Variants in EGFR observed in about 807,000 individuals in gnomAD.
EGFR encodes avian erythroblastic leukemia viral (v-erb-b) oncogene homolog.
In EGFR, 58 loss-of-function variants were observed where a neutral mutation model predicts 143.0. That is an observed-to-expected ratio of 0.41 (90% CI 0.33 to 0.50). EGFR has a LOEUF of 0.50. Among genes scored for constraint, EGFR ranks in the 20% least tolerant of loss-of-function variants. The pLI is 0.39. For missense variants in EGFR, 1,307 were observed against 1,579.0 expected (o/e 0.83, Z 2.92); for synonymous variants, 613 against 594.4 (o/e 1.03, Z -0.45).
chr7:55,105,827 A>T (rs1323280716), intron 1 of EGFR, among the ~76,000 whole-genome samples: 2 of 151,796 alleles, frequency 1.3e-5, no homozygotes, highest in Non-Finnish European at 1.5e-5. Context: ...TTTGATTGTT[A>T]AAAAAAACAC....
chr7:55,182,884 T>C lies in EGFR; in HGVS notation c.2469+1406T>C, dbSNP rs1056866109. On this transcript the variant is annotated intron_variant, in intron 20 of 27. Transcript: ENST00000275493. ...GGGAGAGGGTCTTGTGTGCCTCGGA[T>C]GCCAGGGCCTCTTTTTATTGGGAGG... 5.9e-5 allele frequency among the ~76,000 whole-genome samples: 9 copies of C among 152,216 alleles called. No individual in the cohort carries two copies. In the South Asian group the frequency reaches 1.9e-3, roughly 32 times the overall value.
At chr7:55,085,663 A>G (rs1244683309) in intron 1 of EGFR, among the ~76,000 whole-genome samples, 7 of 152,364 alleles carry the variant, frequency 4.6e-5, no homozygotes, top group Non-Finnish European at 7.3e-5. Flanking sequence ...GGTTTTAGCC[A>G]TACCATAAAG....
At position 55,107,775 on chromosome 7, in the gene EGFR, T is replaced by C. The variant is rs1792226439; in HGVS notation, c.89-34511T>C. Among the ~76,000 whole-genome samples the C allele has an allele frequency of 2.0e-5, 3 of 152,380 alleles. No homozygotes were observed. The South Asian group carries it at 6.2e-4, about 32-fold the overall frequency. On this transcript the variant is annotated intron_variant, in intron 1 of 27. Coordinates refer to ENST00000275493, the MANE Select transcript of EGFR (RefSeq NM_005228.5). The stretch of plus-strand genomic sequence containing the variant: ...AAGTGCCTATATGCTATATAGAGTT[T>C]GCCCACTCTGCATTATCTTCCCCCT...
intron 1 of EGFR, among the ~76,000 whole-genome samples, chr7:55,044,807 A>G (rs1237634944): frequency 2.0e-5 from 3 of 152,236 alleles, no homozygotes; most frequent in African/African-American, 7.2e-5. Flanking sequence ...CAGGGGCACA[A>G]TAAATGTTTG....
At chr7:55,200,563 C>T (rs952746801) in intron 24 of EGFR, 150 bp downstream of exon 24, 10 of 793,706 alleles carry the variant, frequency 1.3e-5, no homozygotes, top group African/African-American at 3.4e-5. Flanking sequence ...CTCAGTAAGG[C>T]GCAGGCCACA....
chr7:55,110,628 A>G (rs1584062921), intron 1 of EGFR, among the ~76,000 whole-genome samples: 2 of 152,386 alleles, frequency 1.3e-5, no homozygotes, highest in African/African-American at 4.8e-5. Flanking sequence ...GTGACTGGGA[A>G]TTAAGGAGCA....
At chr7:55,173,806 G>C (rs2128953283) in intron 17 of EGFR, 115 bp from the exon 18 acceptor site, 1 of 1,550,816 alleles carries the variant, frequency 6.4e-7, no homozygotes, top group Non-Finnish European at 8.9e-7. Flanking sequence ...GCCGTGTCCT[G>C]GCACCCAAGC....
intron 1 of EGFR, among the ~76,000 whole-genome samples, chr7:55,138,644 T>G (rs1006835499): frequency 1.3e-5 from 2 of 152,224 alleles, no homozygotes; most frequent in Non-Finnish European, 2.9e-5. Flanking sequence ...GCATGTTATG[T>G]TATGTTTCTG....
chr7:55,206,551 G>A lies in EGFR; in HGVS notation c.*934G>A, dbSNP rs988454507. 6.0e-5 allele frequency: 14 copies of A among 233,108 alleles called. No homozygotes were observed. Among genetic ancestry groups the A allele is most frequent in the Non-Finnish European group, 1.1e-4 (13 of 118,066 alleles). The allele number at this position is 233,108 out of a possible 1,614,324, so 14.4% of individuals were successfully genotyped here. A position where few individuals can be genotyped will look rare whatever the true frequency, so the allele number is the denominator to read the frequency against. On this transcript the variant is annotated 3_prime_UTR_variant, in exon 28 of 28. Coordinates refer to ENST00000275493, the MANE Select transcript of EGFR (RefSeq NM_005228.5). ...GCACCGCTTTTGTTCTCGCAAAAAC[G>A]TATCTCCTAATTTGAGGCTCAGATG... is the stretch of plus-strand genomic sequence containing the variant.
rs910863333 is a variant in EGFR, at chr7:55,106,025, A to C, written c.89-36261A>C. On this transcript the variant is annotated intron_variant, in intron 1 of 27. Transcript: ENST00000275493. ...TGCTTACTTGAAAACAACAAAATTT[A>C]AGAATTTGGTATAGGAGTTGTATCA... is the stretch of plus-strand genomic sequence containing the variant. Among the ~76,000 whole-genome samples the C allele has an allele frequency of 5.9e-5, 9 of 152,366 alleles. No individual in the cohort carries two copies. The South Asian group carries it at 1.0e-3, about 18-fold the overall frequency.
At position 55,019,310 on chromosome 7, in the gene EGFR, C is replaced by T. The variant is rs766029589; in HGVS notation, c.33C>T (p.Leu11=). 6.6e-7 allele frequency: 1 copy of T among 1,521,428 alleles called. No homozygotes were observed. The highest frequency in any genetic ancestry group is 1.2e-5 in the South Asian group (1 of 83,970). The allele number at this position is 1,521,428 out of a possible 1,614,324, so 94.2% of individuals were successfully genotyped here. A position where few individuals can be genotyped will look rare whatever the true frequency, so the allele number is the denominator to read the frequency against. The change falls in exon 1 of 28, where the codon CTC becomes CTT. Residue 11 remains leucine, a synonymous_variant. Coordinates refer to ENST00000275493, the MANE Select transcript of EGFR (RefSeq NM_005228.5). MRPSGTAGAA[L]LALLAALCPA... is the part of the protein sequence containing the mutation. ...CCTCCGGGACGGCCGGGGCAGCGCT[C>T]CTGGCGCTGCTGGCTGCGCTCTGCC...
chr7:55,184,022 A>G (rs1397165340), intron 20 of EGFR, among the ~76,000 whole-genome samples: 1 of 152,250 alleles, frequency 6.6e-6, no homozygotes, highest in East Asian at 1.9e-4. Context: ...CGCTCAATAT[A>G]GGATGAGCTC....
chr7:55,178,672 C>T (rs1786714088), intron 19 of EGFR, among the ~76,000 whole-genome samples: 1 of 152,188 alleles, frequency 6.6e-6, no homozygotes, highest in African/African-American at 2.4e-5. Context: ...TAAACAAGCA[C>T]TTATCCAAGT....
Position 55,171,159 on chromosome 7 carries a change from C to A in EGFR, c.1881-16C>A, listed in dbSNP as rs1416132670. The A allele has an allele frequency of 1.2e-6, 2 of 1,614,154 alleles. No homozygotes were observed. Among genetic ancestry groups the A allele is most frequent in the African/African-American group, 2.7e-5 (2 of 75,068 alleles). ...TAGAATGAGAAAAATGTATATTTCT[C>A]TTTCACTTCCTACAGATGCACTGGG... On this transcript the variant is annotated splice_polypyrimidine_tract_variant and intron_variant, in intron 15 of 27. Coordinates refer to ENST00000275493, the MANE Select transcript of EGFR (RefSeq NM_005228.5).
At chr7:55,028,931 G>A (rs1054233468) in intron 1 of EGFR, among the ~76,000 whole-genome samples, 8 of 152,064 alleles carry the variant, frequency 5.3e-5, no homozygotes, top group African/African-American at 1.7e-4. Flanking sequence ...AGGCCGAGGC[G>A]GGCGGATCAC....
chr7:55,143,198 G>T lies in EGFR; in HGVS notation c.241-107G>T. On this transcript the variant is annotated intron_variant, in intron 2 of 27. Transcript: ENST00000275493. ...TTTTACAGTTGTTGAGCACTCGTGT[G>T]CATTAGGGTTCAACTGGGCGTCCTA... The T allele has an allele frequency of 1.8e-6, 2 of 1,113,168 alleles. 1 individual carries two copies. The allele number at this position is 1,113,168 out of a possible 1,614,324, so 69.0% of individuals were successfully genotyped here.
Position 55,173,007 on chromosome 7 carries a change from T to C in EGFR, c.1944T>C (p.Thr648=), listed in dbSNP as rs765441420. ...TNGPKIPSIA[T]GMVGALLLLL... is the part of the protein sequence containing the mutation. ...GGCCTAAGATCCCGTCCATCGCCAC[T>C]GGGATGGTGGGGGCCCTCCTCTTGC... is the stretch of plus-strand genomic sequence containing the variant. The change falls in exon 17 of 28, where the codon ACT becomes ACC. Residue 648 remains threonine, a synonymous_variant. Transcript: ENST00000275493. The C allele has an allele frequency of 6.2e-6, 10 of 1,614,064 alleles. No homozygotes were observed. In the South Asian group the frequency reaches 9.9e-5, roughly 16 times the overall value.
intron 24 of EGFR, 129 bp from the exon 25 acceptor site, chr7:55,201,059 G>A (rs2128971220): frequency 8.7e-7 from 1 of 1,152,590 alleles, no homozygotes; most frequent in Non-Finnish European, 1.3e-6. Context: ...GAGAACCAAG[G>A]GGGATTTCAT....
chr7:55,108,798 A>G (rs578123743), intron 1 of EGFR, among the ~76,000 whole-genome samples: 1 of 152,342 alleles, frequency 6.6e-6, no homozygotes, highest in Admixed American at 6.5e-5. Flanking sequence ...TGGCAGAATA[A>G]GAGGCAATGG....
Sources: allele counts gnomAD v4.1 joint callset (sites outside exome capture counted in the v4.1 genomes callset), GRCh38; gene constraint gnomAD v4.1.1; transcripts MANE v1.5; gene names NCBI Gene and HGNC (gene_info 2026-07-23, HGNC 2026-07-21).